Variants in PPP1R9A observed in about 807,000 individuals in gnomAD.
PPP1R9A encodes the protein neurabin-1.
PPP1R9A carries 59 observed loss-of-function variants against 141.9 expected under a neutral mutation model. That is an observed-to-expected ratio of 0.42 (90% CI 0.34 to 0.52). The LOEUF (loss-of-function observed/expected upper bound fraction) is 0.52, where lower values mean the gene tolerates loss of function less well. PPP1R9A is among the 20% of genes least tolerant of loss of function. The pLI, the probability that PPP1R9A is intolerant of heterozygous loss-of-function variation, is 0.10. For synonymous variants in PPP1R9A, 500 were observed against 569.7 expected (o/e 0.88, Z 1.74); for missense variants, 1,444 against 1,611.9 (o/e 0.90, Z 1.78).
chr7:95,118,682 A>G (rs1324678461), intron 3 of PPP1R9A, among the ~76,000 whole-genome samples: 1 of 152,090 alleles, frequency 6.6e-6, no homozygotes, highest in African/African-American at 2.4e-5. Context: ...ACTAATTACA[A>G]GAATCCTGGC....
chr7:95,230,880 C>A (rs1334272059), intron 8 of PPP1R9A, among the ~76,000 whole-genome samples: 1 of 152,072 alleles, frequency 6.6e-6, no homozygotes, highest in Non-Finnish European at 1.5e-5. Context: ...ATAAATAGCA[C>A]AATGAGTAGA....
intron 2 of PPP1R9A, among the ~76,000 whole-genome samples, chr7:95,003,107 A>T (rs1001929109): frequency 1.3e-5 from 2 of 152,202 alleles, no homozygotes; most frequent in Non-Finnish European, 2.9e-5. Flanking sequence ...AAGCTTTTTA[A>T]AAAGCTTTTT....
chr7:95,163,817 G>T (rs1024950023), intron 5 of PPP1R9A, among the ~76,000 whole-genome samples: 1 of 152,072 alleles, frequency 6.6e-6, no homozygotes, highest in Admixed American at 6.5e-5. Flanking sequence ...TCAACTCATT[G>T]CAATCTCTGC....
Position 94,983,798 on chromosome 7 carries a change from G to A in PPP1R9A, c.1395+72290G>A, listed in dbSNP as rs139446285. Among the ~76,000 whole-genome samples, 1,455 of 152,096 alleles carry A rather than the reference G, an allele frequency of 9.6e-3. 9 individuals are homozygous for A. The highest frequency in any genetic ancestry group is 0.014 in the Non-Finnish European group (932 of 67,956). On this transcript the variant is annotated intron_variant, in intron 2 of 19. Transcript: ENST00000433360. ...CAAACAGGGACAGTTTGACTTCCTCGTTTCCTAATCGAATACCTTTTATTT... is the reference window on the plus strand; with the variant it reads ...CAAACAGGGACAGTTTGACTTCCTCATTTCCTAATCGAATACCTTTTATTT...
Position 95,146,444 on chromosome 7 carries a change from G to T in PPP1R9A, c.1650-15423G>T, listed in dbSNP as rs180925314. Among the ~76,000 whole-genome samples the T allele has an allele frequency of 5.9e-5, 9 of 152,282 alleles. No individual in the cohort carries two copies. The East Asian group carries it at 1.7e-3, about 29-fold the overall frequency. On this transcript the variant is annotated intron_variant, in intron 4 of 19. Coordinates refer to ENST00000433360, the MANE Select transcript of PPP1R9A (RefSeq NM_001166160.2). ...GCAAAAATTTTCTCCCATTCTGTAG[G>T]TTGCCTGTTCACCCTGATGATAGTT...
intron 2 of PPP1R9A, among the ~76,000 whole-genome samples, chr7:95,089,248 G>A (rs1351602325): frequency 6.6e-6 from 1 of 151,938 alleles, no homozygotes; most frequent in East Asian, 1.9e-4. Context: ...CTTTTCAAAT[G>A]CTTTTTAATG....
At chr7:95,106,138 G>A (rs1052689647) in intron 2 of PPP1R9A, among the ~76,000 whole-genome samples, 1 of 151,912 alleles carries the variant, frequency 6.6e-6, no homozygotes, top group Admixed American at 6.6e-5. Flanking sequence ...GTATGATATG[G>A]GTAGTAGGTA....
intron 8 of PPP1R9A, among the ~76,000 whole-genome samples, chr7:95,237,480 G>C (rs944263414): frequency 6.6e-6 from 1 of 151,850 alleles, no homozygotes; most frequent in African/African-American, 2.4e-5. Flanking sequence ...ACAGGCATGA[G>C]CCACCATGCC....
At chr7:95,015,800 A>C (rs1484531553) in intron 2 of PPP1R9A, among the ~76,000 whole-genome samples, 1 of 152,160 alleles carries the variant, frequency 6.6e-6, no homozygotes, top group Admixed American at 6.6e-5. Context: ...CTGTAATCCC[A>C]GTACTTTGGG....
intron 2 of PPP1R9A, among the ~76,000 whole-genome samples, chr7:94,938,628 G>C (rs1382155661): frequency 6.6e-6 from 1 of 152,028 alleles, no homozygotes; most frequent in African/African-American, 2.4e-5. Context: ...GACTGGTCCT[G>C]TTTCAAATTG....
intron 7 of PPP1R9A, among the ~76,000 whole-genome samples, chr7:95,212,143 A>G (rs1792266883): frequency 6.6e-6 from 1 of 152,214 alleles, no homozygotes; most frequent in South Asian, 2.1e-4. Flanking sequence ...AAATAGAATC[A>G]GAATCTGCAG....
At chr7:95,216,905 A>G (rs938707364) in intron 7 of PPP1R9A, among the ~76,000 whole-genome samples, 1 of 152,178 alleles carries the variant, frequency 6.6e-6, no homozygotes, top group South Asian at 2.1e-4. Context: ...CAATAATGTC[A>G]TCTGCAAACA....
intron 2 of PPP1R9A, among the ~76,000 whole-genome samples, chr7:94,938,772 C>G (rs996357675): frequency 6.6e-6 from 1 of 152,152 alleles, no homozygotes; most frequent in Admixed American, 6.6e-5. Context: ...AAAGCATAAG[C>G]TATCAGAGAT....
At chr7:94,927,056 T>C (rs118033026) in intron 2 of PPP1R9A, among the ~76,000 whole-genome samples, 1 of 152,324 alleles carries the variant, frequency 6.6e-6, no homozygotes, top group Non-Finnish European at 1.5e-5. Flanking sequence ...AATTTGTTTA[T>C]GTAGAAACAA....
intron 2 of PPP1R9A, among the ~76,000 whole-genome samples, chr7:95,069,094 A>G (rs922640344): frequency 6.6e-6 from 1 of 152,200 alleles, no homozygotes; most frequent in South Asian, 2.1e-4. Flanking sequence ...GTTATAGTAT[A>G]TTGTTTAAGG....
intron 2 of PPP1R9A, among the ~76,000 whole-genome samples, chr7:95,059,180 C>T (rs1386028364): frequency 2.0e-5 from 3 of 152,024 alleles, no homozygotes; most frequent in Non-Finnish European, 2.9e-5. Context: ...CTATTTTTCA[C>T]TATTTTATCT....
At chr7:94,966,879 C>T (rs1489127124) in intron 2 of PPP1R9A, among the ~76,000 whole-genome samples, 1 of 152,134 alleles carries the variant, frequency 6.6e-6, no homozygotes. Context: ...GAAATAGTTT[C>T]AGCAGGAATG....
intron 2 of PPP1R9A, among the ~76,000 whole-genome samples, chr7:94,953,135 T>C (rs1363472007): frequency 6.6e-6 from 1 of 152,218 alleles, no homozygotes; most frequent in Non-Finnish European, 1.5e-5. Flanking sequence ...AATTTTTGTA[T>C]ATGGTGTAAG....
At chr7:95,129,803 G>C (rs1584851185) in intron 4 of PPP1R9A, among the ~76,000 whole-genome samples, 1 of 152,284 alleles carries the variant, frequency 6.6e-6, no homozygotes, top group African/African-American at 2.4e-5. Context: ...CAAAGAGACT[G>C]TTGTCATTTT....
Sources: allele counts gnomAD v4.1 joint callset (sites outside exome capture counted in the v4.1 genomes callset), GRCh38; gene constraint gnomAD v4.1.1; transcripts MANE v1.5; gene names NCBI Gene and HGNC (gene_info 2026-07-23, HGNC 2026-07-21).